The following TET1 variants were observed in gnomAD, a reference collection of about 807,000 sequenced individuals.
TET1 encodes the protein tet methylcytosine dioxygenase 1.
In TET1, 13 loss-of-function variants were observed where a neutral mutation model predicts 148.7. The observed-to-expected ratio is 0.09, with a 90% CI of 0.06 to 0.14. The LOEUF (loss-of-function observed/expected upper bound fraction) is 0.14, where lower values mean the gene tolerates loss of function less well. TET1 is among the 10% of genes least tolerant of loss of function. TET1 has a pLI of 1.00. For synonymous variants in TET1, 907 were observed against 937.2 expected, an observed-to-expected ratio of 0.97 and a Z score of 0.59; for missense variants, 2,182 against 2,553.8, an observed-to-expected ratio of 0.85 and a Z score of 3.14.
rs2055583877 is a variant in TET1, at chr10:68,691,033, G to A, written c.5630G>A (p.Ser1877Asn). Residue 1877 changes from serine (S) to asparagine (N), a missense_variant, in exon 12 of 12, where the codon AGC (serine) becomes AAC (asparagine). Physicochemically the swap from Ser to Asn is conservative, Grantham distance 46 (BLOSUM62 1). Around this residue, in one of 11 missense-constraint regions of TET1, gnomAD observed 380 missense variants for 387.9 expected, o/e 0.98. Coordinates refer to ENST00000373644, the MANE Select transcript of TET1 (RefSeq NM_030625.3). This position sits in a 1 kb window ranked among gnomAD's most constrained non-coding sequence, Gnocchi z 4.4. ...TCATGCGGGTTTTCAGAAAGAAGCAGCACTCCCCACTGTACGATGCCTTCG... is the reference window on the plus strand; with the variant it reads ...TCATGCGGGTTTTCAGAAAGAAGCAACACTCCCCACTGTACGATGCCTTCG... ...TASCGFSERS[S>N]TPHCTMPSGR... The A allele has an allele frequency of 4.3e-6, 7 of 1,614,006 alleles. No individual in the cohort carries two copies. The Admixed American group carries it at 1.0e-4, about 23-fold the overall frequency.
At chr10:68,627,129 T>C (rs7072576) in intron 3 of TET1, among the ~76,000 whole-genome samples, 143,286 of 151,546 alleles carry the variant, frequency 0.95, 67,766 homozygotes, top group East Asian at 0.98. Flanking sequence ...AGAATTAGGC[T>C]GGGCGCAGTG....
intron 3 of TET1, among the ~76,000 whole-genome samples, chr10:68,621,515 C>T (rs1020776575): frequency 3.3e-5 from 5 of 152,044 alleles, no homozygotes; most frequent in Non-Finnish European, 5.9e-5. Flanking sequence ...ATCCGGGAGG[C>T]GGTTACAGTG....
intron 11 of TET1, among the ~76,000 whole-genome samples, chr10:68,687,144 G>T (rs909707528): frequency 1.9e-5 from 1 of 52,752 alleles, no homozygotes; most frequent in Admixed American, 1.6e-4. Flanking sequence ...CCGCCCCCCC[G>T]CCCCCGCCTT....
At chr10:68,654,413 C>G (rs567477741) in intron 6 of TET1, among the ~76,000 whole-genome samples, 3 of 152,128 alleles carry the variant, frequency 2.0e-5, no homozygotes, top group Admixed American at 6.5e-5. Context: ...GTCAGGAGAT[C>G]GAGCCTATCC....
intron 6 of TET1, among the ~76,000 whole-genome samples, chr10:68,663,044 G>A (rs2055145259): frequency 6.6e-6 from 1 of 152,132 alleles, no homozygotes; most frequent in Non-Finnish European, 1.5e-5. Context: ...TTACCTGTTG[G>A]GTACAATGTT....
intron 3 of TET1, among the ~76,000 whole-genome samples, chr10:68,617,385 C>A (rs1472023204): frequency 6.6e-6 from 1 of 151,882 alleles, no homozygotes; most frequent in African/African-American, 2.4e-5. Context: ...GTCTTGAACT[C>A]CCAGCCTCAA....
At chr10:68,606,512 T>C (rs2054126814) in intron 3 of TET1, among the ~76,000 whole-genome samples, 1 of 152,210 alleles carries the variant, frequency 6.6e-6, no homozygotes, top group Non-Finnish European at 1.5e-5. Flanking sequence ...CAGACGGTTA[T>C]AATGCAACAT....
chr10:68,562,310 TG>T (rs773174015), intron 1 of TET1, among the ~76,000 whole-genome samples: 6 of 152,316 alleles, frequency 3.9e-5, no homozygotes, highest in Non-Finnish European at 8.8e-5. Context: ...AACAGTTATT[TG>T]GAGCACACTA....
At chr10:68,565,474 AAATATAT>A (rs1012340305) in intron 1 of TET1, among the ~76,000 whole-genome samples, 5 of 53,836 alleles carry the variant, frequency 9.3e-5, no homozygotes, top group African/African-American at 2.8e-4. Flanking sequence ...TAAAAAAAAA[AAATATAT>A]ATATATATAT....
chr10:68,678,866 G>A (rs7071780), intron 8 of TET1, among the ~76,000 whole-genome samples: 111,885 of 151,982 alleles, frequency 0.74, 42,397 homozygotes, highest in East Asian at 0.84. Flanking sequence ...TGAATAATAA[G>A]CCTGTAATAG....
Position 68,693,821 on chromosome 10 carries a change from A to C in TET1, c.*2007A>C, listed in dbSNP as rs1348606584. 8.7e-6 allele frequency: 2 copies of C among 230,894 alleles called. No homozygotes were observed. The highest frequency in any genetic ancestry group is 2.2e-5 in the African/African-American group (1 of 45,240). The allele number at this position is 230,894 out of a possible 1,614,324, so 14.3% of individuals were successfully genotyped here. On this transcript the variant is annotated 3_prime_UTR_variant, in exon 12 of 12. Transcript: ENST00000373644. ...GATTATGTTTTAGATTTTAGGCCTT[A>C]GCTCCCACTAGAAATTATTTCTTCA...
At chr10:68,675,304 T>C (rs913037365) in intron 8 of TET1, among the ~76,000 whole-genome samples, 5 of 152,212 alleles carry the variant, frequency 3.3e-5, no homozygotes, top group African/African-American at 1.2e-4. Flanking sequence ...GGGGTCTAGT[T>C]TGATGCACTA....
intron 1 of TET1, among the ~76,000 whole-genome samples, chr10:68,569,591 C>A (rs1286498048): frequency 2.0e-5 from 3 of 151,980 alleles, no homozygotes; most frequent in Non-Finnish European, 2.9e-5. Flanking sequence ...TTTAAAGTAT[C>A]CAAATTTGTA....
At chr10:68,643,848 A>T (rs1465038829) in intron 3 of TET1, among the ~76,000 whole-genome samples, 1 of 152,148 alleles carries the variant, frequency 6.6e-6, no homozygotes, top group Non-Finnish European at 1.5e-5. Flanking sequence ...AAAATAAAAA[A>T]TAAATAAAAT....
chr10:68,594,499 G>C (rs1279710162), intron 2 of TET1, among the ~76,000 whole-genome samples: 1 of 152,152 alleles, frequency 6.6e-6, no homozygotes, highest in East Asian at 1.9e-4. Context: ...TTGGGAGAGT[G>C]GGGGAAGAGC....
chr10:68,595,919 CATATATATATATATATATATATAT>C (rs374124558), intron 2 of TET1, among the ~76,000 whole-genome samples: 951 of 34,458 alleles, frequency 0.028, 38 homozygotes, highest in Non-Finnish European at 0.04. Flanking sequence ...CCAGCCAAAA[CATATATATATATATATATATATAT>C]ATATATATAT....
chr10:68,585,105 A>G (rs1051846738), intron 2 of TET1, among the ~76,000 whole-genome samples: 5 of 152,110 alleles, frequency 3.3e-5, no homozygotes, highest in African/African-American at 9.7e-5. Context: ...CCCGGGTTCA[A>G]TCGATTCTCC....
chr10:68,573,054 C>T lies in TET1; in HGVS notation c.716C>T (p.Ser239Phe). Residue 239 changes from serine (S) to phenylalanine (F), a missense_variant, in exon 2 of 12, where the codon TCC (serine) becomes TTC (phenylalanine). Physicochemically the swap from Ser to Phe is radical, Grantham distance 155. Transcript: ENST00000373644. The stretch of plus-strand genomic sequence containing the variant: ...GAGACATTGAATGATACCAGTGGTT[C>T]CCCAAAAATGTTTGCTCAGGACACA... ...SEETLNDTSGSPKMFAQDTVC... is the reference protein window; with the variant it reads ...SEETLNDTSGFPKMFAQDTVC... 6.2e-7 allele frequency: 1 copy of T among 1,614,088 alleles called. No homozygotes were observed. Among genetic ancestry groups the T allele is most frequent in the Non-Finnish European group, 8.5e-7 (1 of 1,180,024 alleles).
intron 3 of TET1, among the ~76,000 whole-genome samples, chr10:68,610,772 C>G (rs2054197112): frequency 6.6e-6 from 1 of 151,708 alleles, no homozygotes; most frequent in Admixed American, 6.6e-5. Context: ...TCTTTTACTT[C>G]AGCCTCCCAA....
Sources: gnomAD v4.1 joint callset for allele counts (sites outside exome capture counted in the v4.1 genomes callset) on GRCh38, gnomAD v4.1.1 for gene constraint, gnomAD v4.1.1 regional missense constraint, Gnocchi (gnomAD v3.1) non-coding constraint, MANE v1.5 for transcripts, NCBI Gene and HGNC (gene_info 2026-07-23, HGNC 2026-07-21) for gene names.